Variants in B4GALT5 observed in about 807,000 individuals in gnomAD.
B4GALT5 encodes UDP-Gal:beta-GlcNAc beta-1,4-galactosyltransferase 5.
B4GALT5 carries 11 observed loss-of-function variants against 45.0 expected under a neutral mutation model. The ratio of observed to expected loss-of-function variants is 0.24; its 90% CI spans 0.15 to 0.40. B4GALT5 has a LOEUF of 0.40. Ranked by LOEUF, B4GALT5 falls within the 10% of genes least tolerant of loss-of-function variation. The probability of loss-of-function intolerance (pLI) is 1.00; values close to 1 mark genes in which losing one functional copy is unlikely to be tolerated. For missense variants in B4GALT5, 337 were observed against 500.2 expected (o/e 0.67, Z 3.11); for synonymous variants, 185 against 182.9 (o/e 1.01, Z -0.09).
intron 2 of B4GALT5, among the ~76,000 whole-genome samples, chr20:49,653,450 A>G (rs761219440): frequency 1.3e-5 from 2 of 152,246 alleles, no homozygotes; most frequent in Admixed American, 1.3e-4. Flanking sequence ...TAACTTACCA[A>G]GTGCTTCCTA....
intron 1 of B4GALT5, among the ~76,000 whole-genome samples, chr20:49,694,649 AAAGGGAAAAGGAAAGGGAAAGGGAAAG>A (rs2085830387): frequency 7.5e-6 from 1 of 133,156 alleles, no homozygotes; most frequent in Non-Finnish European, 1.6e-5. Context: ...AGGGAAAGGG[AAAGGGAAAAGGAAAGGGAAAGGGAAAG>A]GGAAAGGGAA....
intron 1 of B4GALT5, among the ~76,000 whole-genome samples, chr20:49,685,642 G>A (rs2085782041): frequency 6.6e-6 from 1 of 152,100 alleles, no homozygotes; most frequent in Non-Finnish European, 1.5e-5. Context: ...AAGGCAATGT[G>A]AAAATATTAT....
intron 1 of B4GALT5, among the ~76,000 whole-genome samples, chr20:49,708,471 G>A (rs1052462520): frequency 6.6e-5 from 10 of 152,206 alleles, no homozygotes; most frequent in African/African-American, 2.2e-4. Flanking sequence ...ACTTGCTCAA[G>A]GTCATTCGAT....
chr20:49,698,352 TC>T (rs2085848129), intron 1 of B4GALT5, among the ~76,000 whole-genome samples: 1 of 151,792 alleles, frequency 6.6e-6, no homozygotes, highest in Admixed American at 6.6e-5. Context: ...AAAGAAAATT[TC>T]CATAATAAAA....
At chr20:49,663,713 ATATAT>A (rs2085676938) in intron 1 of B4GALT5, among the ~76,000 whole-genome samples, 1 of 131,184 alleles carries the variant, frequency 7.6e-6, no homozygotes, top group African/African-American at 2.8e-5. Flanking sequence ...ATATATATAT[ATATAT>A]ATATATATAT....
intron 1 of B4GALT5, among the ~76,000 whole-genome samples, chr20:49,710,327 T>C (rs1055779657): frequency 2.6e-5 from 4 of 152,170 alleles, no homozygotes; most frequent in Admixed American, 1.3e-4. Flanking sequence ...AAACTGCTGA[T>C]ATACAACTGT....
intron 2 of B4GALT5, among the ~76,000 whole-genome samples, chr20:49,648,531 T>C (rs140266381): frequency 1.5e-4 from 23 of 152,342 alleles, no homozygotes; most frequent in African/African-American, 5.5e-4. Flanking sequence ...CTGGTTCTCC[T>C]GTTGCTGCTT....
chr20:49,674,655 C>A (rs2085730199), intron 1 of B4GALT5, among the ~76,000 whole-genome samples: 1 of 150,864 alleles, frequency 6.6e-6, no homozygotes, highest in African/African-American at 2.4e-5. Flanking sequence ...GAGACCAGAC[C>A]AGCCTGGGAA....
At chr20:49,671,764 A>G (rs2085716988) in intron 1 of B4GALT5, among the ~76,000 whole-genome samples, 1 of 152,240 alleles carries the variant, frequency 6.6e-6, no homozygotes, top group South Asian at 2.1e-4. Flanking sequence ...AAGTTTCCAA[A>G]GTTACTGAGA....
chr20:49,697,376 TTC>T (rs1411261965), intron 1 of B4GALT5, among the ~76,000 whole-genome samples: 2 of 152,238 alleles, frequency 1.3e-5, no homozygotes, highest in Non-Finnish European at 2.9e-5. Context: ...TGGCTGTACA[TTC>T]TGAGGGTTCA....
chr20:49,658,013 T>C (rs1419414663), intron 1 of B4GALT5, among the ~76,000 whole-genome samples: 1 of 152,154 alleles, frequency 6.6e-6, no homozygotes, highest in African/African-American at 2.4e-5. Context: ...TCTTAAGGTA[T>C]ATCCCAAGCC....
intron 1 of B4GALT5, among the ~76,000 whole-genome samples, chr20:49,680,716 A>G (rs6012712): frequency 0.49 from 74,767 of 151,866 alleles, 18,862 homozygotes; most frequent in South Asian, 0.65. Context: ...AACGAATAGT[A>G]GTAATGGTTG....
intron 1 of B4GALT5, among the ~76,000 whole-genome samples, chr20:49,711,452 G>T (rs1156275990): frequency 6.6e-6 from 1 of 152,118 alleles, no homozygotes; most frequent in Non-Finnish European, 1.5e-5. Context: ...TTTCCATTTA[G>T]ATATAGCTGA....
chr20:49,664,600 G>C (rs2085681104), intron 1 of B4GALT5, among the ~76,000 whole-genome samples: 1 of 152,176 alleles, frequency 6.6e-6, no homozygotes, highest in South Asian at 2.1e-4. Flanking sequence ...ACTAAATTCT[G>C]AATAGAAAAA....
At position 49,701,700 on chromosome 20, in the gene B4GALT5, C is replaced by T. The variant is rs1848175203; in HGVS notation, c.115+11876G>A. Among the ~76,000 whole-genome samples, 4 of 152,238 alleles carry T rather than the reference C, an allele frequency of 2.6e-5. No homozygotes were observed. In the South Asian group the frequency reaches 8.3e-4, roughly 32 times the overall value. On this transcript the variant is annotated intron_variant, in intron 1 of 8. Transcript: ENST00000371711. Reference sequence around the variant, plus strand: ...CCACAATACCAAACTGAAAGTCATGCCTCAGGGTCTTTATTGTAACTACTT... The same window carrying T: ...CCACAATACCAAACTGAAAGTCATGTCTCAGGGTCTTTATTGTAACTACTT...
intron 8 of B4GALT5, 128 bp from the exon 9 acceptor site, chr20:49,636,587 G>A (rs992893867): frequency 2.8e-6 from 3 of 1,067,250 alleles, no homozygotes; most frequent in Non-Finnish European, 4.0e-6. Flanking sequence ...AGCACAAGGT[G>A]GGCGCACGGC....
intron 2 of B4GALT5, among the ~76,000 whole-genome samples, chr20:49,651,380 G>A (rs6019952): frequency 6.6e-6 from 1 of 151,818 alleles, no homozygotes; most frequent in Non-Finnish European, 1.5e-5. Flanking sequence ...CCTGAGTTCA[G>A]GAGTTTGAGA....
rs113978153 is a variant in B4GALT5, at chr20:49,709,989, G to A, written c.115+3587C>T. On this transcript the variant is annotated intron_variant, in intron 1 of 8. Coordinates refer to ENST00000371711, the MANE Select transcript of B4GALT5 (RefSeq NM_004776.4). ...AAAGTTTCCTTTGCTCTTAGAATAC[G>A]GGTCACCCACATTAAGTGGCATTAG... Among the ~76,000 whole-genome samples the A allele has an allele frequency of 1.8e-3, 279 of 152,212 alleles. 1 individual carries two copies. Among genetic ancestry groups the A allele is most frequent in the African/African-American group, 6.4e-3 (265 of 41,526 alleles).
intron 1 of B4GALT5, among the ~76,000 whole-genome samples, chr20:49,698,758 T>C (rs900872385): frequency 6.6e-6 from 1 of 152,178 alleles, no homozygotes; most frequent in Non-Finnish European, 1.5e-5. Context: ...GTGCCTGTGT[T>C]GTGGACGAGG....
Sources: gnomAD v4.1 joint callset for allele counts (sites outside exome capture counted in the v4.1 genomes callset) on GRCh38, gnomAD v4.1.1 for gene constraint, MANE v1.5 for transcripts, NCBI Gene and HGNC (gene_info 2026-07-23, HGNC 2026-07-21) for gene names.